PDZD2: variants seen among roughly 807,000 people sequenced by gnomAD.
PDZD2 encodes PDZ domain-containing protein 2.
A neutral mutation model predicts 220.7 loss-of-function variants in PDZD2; 90 were observed. That is an observed-to-expected ratio of 0.41 (90% CI 0.34 to 0.49). The LOEUF is 0.49. Ranked by LOEUF, PDZD2 falls within the 20% of genes least tolerant of loss-of-function variation. The pLI, the probability that PDZD2 is intolerant of heterozygous loss-of-function variation, is 0.28. For synonymous variants in PDZD2, 1,375 were observed against 1,450.5 expected (o/e 0.95, Z 1.18); for missense variants, 3,174 against 3,608.5 (o/e 0.88, Z 3.08).
intron 5 of PDZD2, among the ~76,000 whole-genome samples, chr5:32,003,794 C>A (rs1249274281): frequency 1.3e-5 from 2 of 152,172 alleles, no homozygotes; most frequent in African/African-American, 4.8e-5. Flanking sequence ...TTACTGCAAC[C>A]TCTGCGTCCC....
chr5:31,747,821 C>G (rs1332676120), intron 1 of PDZD2: 6 of 152,852 alleles, frequency 3.9e-5, no homozygotes, highest in Non-Finnish European at 7.3e-5. Context: ...TACTCCAGCC[C>G]CATAATCCTG....
intron 2 of PDZD2, among the ~76,000 whole-genome samples, chr5:31,924,301 CG>C (rs1192386818): frequency 6.6e-5 from 10 of 152,182 alleles, no homozygotes; most frequent in Non-Finnish European, 1.5e-4. Context: ...CCCTGCTGTG[CG>C]GTGCCAATTA....
Position 32,069,636 on chromosome 5 carries a change from C to T in PDZD2, c.2519C>T (p.Ser840Phe). Residue 840 changes from serine to phenylalanine, a missense_variant, in exon 15 of 25, where the codon TCC (serine) becomes TTC (phenylalanine). Ser to Phe is a radical substitution (Grantham distance 155). Transcript: ENST00000438447. ...TATCAGGAGAGCAAAGAGGCCAATT[C>T]CTCTCCTGGCTTAGGTACTGTAATC... ...STYQESKEAN[S>F]SPGLGTPLKS... is the part of the protein sequence containing the mutation. The T allele has an allele frequency of 6.5e-7, 1 of 1,528,472 alleles. No individual in the cohort carries two copies. The highest frequency in any genetic ancestry group is 9.1e-7 in the Non-Finnish European group (1 of 1,101,684). The allele number at this position is 1,528,472 out of a possible 1,614,324, so 94.7% of individuals were successfully genotyped here. A position where few individuals can be genotyped will look rare whatever the true frequency, so the allele number is the denominator to read the frequency against.
chr5:31,919,109 CT>C (rs1300746428), intron 2 of PDZD2, among the ~76,000 whole-genome samples: 1 of 152,288 alleles, frequency 6.6e-6, no homozygotes, highest in East Asian at 1.9e-4. Flanking sequence ...TGTGAAGAAA[CT>C]GGTGGAGGAG....
In PDZD2 at chr5:31,639,281, G is replaced by A. The variant is rs1294163017; in HGVS notation, c.-517G>A. 6.7e-6 allele frequency: 1 copy of A among 150,294 alleles called. No individual in the cohort carries two copies. Among genetic ancestry groups the A allele is most frequent in the Admixed American group, 6.6e-5 (1 of 15,086 alleles). 9.3% of individuals were successfully genotyped at this position (150,294 alleles called of 1,614,324 possible). ...CCAAGGCACCGGGATTGCGCCTCCC[G>A]CGGCTGCCGGCGAACCGCGGCTCTG... On this transcript the variant is annotated 5_prime_UTR_variant, in exon 1 of 25. Coordinates refer to ENST00000438447, the MANE Select transcript of PDZD2 (RefSeq NM_178140.4). The surrounding 1 kb of genome is among the most constrained non-coding windows in gnomAD (Gnocchi z 4.1).
intron 1 of PDZD2, among the ~76,000 whole-genome samples, chr5:31,786,007 T>G (rs1753359740): frequency 6.6e-6 from 1 of 152,156 alleles, no homozygotes; most frequent in African/African-American, 2.4e-5. Flanking sequence ...CTCCGAAATC[T>G]TTCCTTCTGA....
intron 1 of PDZD2, among the ~76,000 whole-genome samples, chr5:31,756,343 G>A (rs1231891340): frequency 2.0e-5 from 3 of 152,208 alleles, no homozygotes; most frequent in Non-Finnish European, 4.4e-5. Flanking sequence ...TGAGGATAAG[G>A]ACCATTTCTA....
chr5:31,723,681 G>A (rs1423179308), intron 1 of PDZD2, among the ~76,000 whole-genome samples: 9 of 152,052 alleles, frequency 5.9e-5, no homozygotes, highest in Non-Finnish European at 7.4e-5. Context: ...GCAATGGCGC[G>A]ATCTTGGCTC....
At chr5:32,017,663 T>C (rs1417745862) in intron 6 of PDZD2, among the ~76,000 whole-genome samples, 1 of 152,178 alleles carries the variant, frequency 6.6e-6, no homozygotes, top group Non-Finnish European at 1.5e-5. Flanking sequence ...TAGCATCTCA[T>C]TAACAGATAA....
rs76505625 is a variant in PDZD2 at position 32,108,194 on chromosome 5, C to A, written c.*59C>A. 1.7e-5 allele frequency: 20 copies of A among 1,204,340 alleles called. No homozygotes were observed. The African/African-American group carries it at 2.6e-4, about 16-fold the overall frequency. 74.6% of individuals were successfully genotyped at this position (1,204,340 alleles called of 1,614,324 possible). On this transcript the variant is annotated 3_prime_UTR_variant, in exon 25 of 25. Coordinates refer to ENST00000438447, the MANE Select transcript of PDZD2 (RefSeq NM_178140.4). ...TTTCTTTAGCAAATCAGAGTGACTT[C>A]TTTAAACCACAGGTTGTTGAAATGG...
chr5:31,920,854 G>T (rs372961796), intron 2 of PDZD2, among the ~76,000 whole-genome samples: 1 of 152,116 alleles, frequency 6.6e-6, no homozygotes, highest in Non-Finnish European at 1.5e-5. Flanking sequence ...ATGTCATATA[G>T]TTGGAATCAT....
intron 1 of PDZD2, among the ~76,000 whole-genome samples, chr5:31,724,453 T>C (rs1429365958): frequency 6.6e-6 from 1 of 151,874 alleles, no homozygotes; most frequent in Non-Finnish European, 1.5e-5. Context: ...AATACAAAAA[T>C]TGGCTGGCCA....
chr5:32,094,795 C>T (rs1448946797), intron 21 of PDZD2, among the ~76,000 whole-genome samples: 3 of 152,052 alleles, frequency 2.0e-5, no homozygotes, highest in African/African-American at 7.2e-5. Flanking sequence ...AGGAGAATCA[C>T]TTGGGTCCAG....
At chr5:31,708,026 GT>G (rs1051640923) in intron 1 of PDZD2, among the ~76,000 whole-genome samples, 6 of 152,182 alleles carry the variant, frequency 3.9e-5, no homozygotes, top group African/African-American at 1.4e-4. Flanking sequence ...CACCTTGATA[GT>G]AACAGCAGCT....
chr5:31,933,832 C>A (rs891277139), intron 2 of PDZD2, among the ~76,000 whole-genome samples: 8 of 152,154 alleles, frequency 5.3e-5, no homozygotes, highest in Middle Eastern at 3.2e-3. Flanking sequence ...GTCTCCTAAG[C>A]CCAGTGACCA....
intron 2 of PDZD2, among the ~76,000 whole-genome samples, chr5:31,813,758 T>C (rs1231891492): frequency 6.6e-6 from 1 of 152,222 alleles, no homozygotes; most frequent in East Asian, 1.9e-4. Flanking sequence ...GATCCACAGA[T>C]GTGGAAGATG....
chr5:31,719,450 C>T (rs956509454), intron 1 of PDZD2, among the ~76,000 whole-genome samples: 8 of 152,176 alleles, frequency 5.3e-5, no homozygotes, highest in Non-Finnish European at 1.0e-4. Flanking sequence ...GCCGACAAAA[C>T]AGTAGCAGGT....
chr5:31,995,809 C>A, intron 4 of PDZD2, 91 bp downstream of exon 4: 1 of 1,183,458 alleles, frequency 8.4e-7, no homozygotes, highest in Non-Finnish European at 1.2e-6. Flanking sequence ...TCCACTTGTT[C>A]AAAGCCCTGG....
intron 2 of PDZD2, among the ~76,000 whole-genome samples, chr5:31,898,775 G>A (rs1741806033): frequency 6.6e-6 from 1 of 150,878 alleles, no homozygotes; most frequent in Non-Finnish European, 1.5e-5. Context: ...GACGGCTTTG[G>A]GATCCTTCTT....
Sources: allele counts gnomAD v4.1 joint callset (sites outside exome capture counted in the v4.1 genomes callset), GRCh38; gene constraint gnomAD v4.1.1; non-coding constraint Gnocchi (gnomAD v3.1); transcripts MANE v1.5; gene names NCBI Gene and HGNC (gene_info 2026-07-23, HGNC 2026-07-21).